The following LCP1 variants were observed in gnomAD, a reference collection of about 807,000 sequenced individuals.
LCP1 encodes plastin-2.
LCP1 carries 23 observed loss-of-function variants against 72.0 expected under a neutral mutation model. The ratio of observed to expected loss-of-function variants is 0.32; its 90% confidence interval spans 0.23 to 0.45. The LOEUF (loss-of-function observed/expected upper bound fraction) is 0.45, where lower values mean the gene tolerates loss of function less well. Among genes scored for constraint, LCP1 ranks in the 20% least tolerant of loss-of-function variants. LCP1 has a pLI of 1.00. For missense variants in LCP1, 571 were observed against 748.3 expected (o/e 0.76, Z 2.76); for synonymous variants, 245 against 275.4 (o/e 0.89, Z 1.09).
intron 1 of LCP1, among the ~76,000 whole-genome samples, chr13:46,180,334 T>C (rs981626996): frequency 2.0e-5 from 3 of 152,214 alleles, no homozygotes; most frequent in Non-Finnish European, 2.9e-5. Context: ...TCCTGTCCTC[T>C]CCAAGTTAAA....
Position 46,130,890 on chromosome 13 carries a change from T to C in LCP1, c.1675A>G (p.Ile559Val), listed in dbSNP as rs1486835637. ...TCATAGTTAATGGAACCTGGTTGGA[T>C]GGCATCGATGAGGTCCAGAACAGGC... is the stretch of plus-strand genomic sequence containing the variant. ...SLPVLDLIDA[I>V]QPGSINYDLL... The change falls in exon 15 of 16, where the codon ATC becomes GTC. Residue 559 changes from isoleucine (I) to valine (V), a missense_variant. Coordinates refer to ENST00000323076, the MANE Select transcript of LCP1 (RefSeq NM_002298.5). 3.7e-6 allele frequency: 6 copies of C among 1,612,796 alleles called. No homozygotes were observed. The highest frequency in any genetic ancestry group is 1.6e-4 in the Middle Eastern group (1 of 6,082).
intron 1 of LCP1, among the ~76,000 whole-genome samples, chr13:46,178,083 T>C (rs1276975123): frequency 6.6e-6 from 1 of 152,098 alleles, no homozygotes; most frequent in Non-Finnish European, 1.5e-5. Flanking sequence ...ATTGATCCAA[T>C]TGTAGAAAAT....
At chr13:46,130,519 G>A (rs1300094271) in intron 15 of LCP1, among the ~76,000 whole-genome samples, 1 of 151,840 alleles carries the variant, frequency 6.6e-6, no homozygotes, top group African/African-American at 2.4e-5. Context: ...GGAGCATTTG[G>A]TTAGGAAATT....
At chr13:46,168,910 A>G (rs1261331397) in intron 1 of LCP1, among the ~76,000 whole-genome samples, 1 of 152,164 alleles carries the variant, frequency 6.6e-6, no homozygotes, top group Non-Finnish European at 1.5e-5. Flanking sequence ...TTTAGGGCTT[A>G]TTCTCCAAAT....
At chr13:46,176,900 TGTGA>T (rs935453757) in intron 1 of LCP1, among the ~76,000 whole-genome samples, 6 of 139,662 alleles carry the variant, frequency 4.3e-5, no homozygotes, top group African/African-American at 1.5e-4. Flanking sequence ...TGTGTGTGTG[TGTGA>T]GAGAGCGAGA....
In LCP1 at chr13:46,130,885, T is replaced by C. The variant is rs758528520; in HGVS notation, c.1680A>G (p.Gln560=). 2 of 1,613,050 alleles carry C rather than the reference T, an allele frequency of 1.2e-6. No homozygotes were observed. Among genetic ancestry groups the C allele is most frequent in the South Asian group, 1.1e-5 (1 of 90,842 alleles). ...LPVLDLIDAI[Q]PGSINYDLLK... is the part of the protein sequence containing the mutation. ...GAAGGTCATAGTTAATGGAACCTGG[T>C]TGGATGGCATCGATGAGGTCCAGAA... Residue 560 remains glutamine, a synonymous_variant, in exon 15 of 16, where the codon CAA becomes CAG. Transcript: ENST00000323076.
At chr13:46,165,329 A>G (rs1304015099) in intron 1 of LCP1, among the ~76,000 whole-genome samples, 1 of 151,986 alleles carries the variant, frequency 6.6e-6, no homozygotes, top group African/African-American at 2.4e-5. Context: ...AACTGAGATC[A>G]TGCCACTGCA....
intron 1 of LCP1, among the ~76,000 whole-genome samples, chr13:46,161,594 ACCTT>A (rs1287965525): frequency 1.3e-5 from 2 of 151,128 alleles, no homozygotes; most frequent in South Asian, 2.1e-4. Flanking sequence ...CTTGTTTCCT[ACCTT>A]CCTTCCTTCC....
chr13:46,170,856 CTT>C (rs1039034082), intron 1 of LCP1, among the ~76,000 whole-genome samples: 4 of 152,088 alleles, frequency 2.6e-5, no homozygotes, highest in African/African-American at 7.2e-5. Flanking sequence ...TACAGCGAAA[CTT>C]TTTAGATCCA....
intron 1 of LCP1, among the ~76,000 whole-genome samples, chr13:46,165,148 G>A (rs778457529): frequency 2.0e-5 from 3 of 152,042 alleles, no homozygotes; most frequent in African/African-American, 7.2e-5. Flanking sequence ...CGAGGTGCAC[G>A]GATTGCTTTG....
Position 46,144,503 on chromosome 13 carries a change from G to T in LCP1, c.1192C>A (p.Arg398=). Residue 398 remains arginine (R), a synonymous_variant, in exon 11 of 16, where the codon CGG becomes AGG. Transcript: ENST00000323076. ...GALEGETREE[R]TFRNWMNSLG... ...GAGTTCATCCAGTTCCTAAATGTCC[G>T]CTCTTCTCTCGTCTCACCTAGATGA... is the stretch of plus-strand genomic sequence containing the variant. 1.2e-6 allele frequency: 2 copies of T among 1,613,290 alleles called. No homozygotes were observed. Among genetic ancestry groups the T allele is most frequent in the South Asian group, 1.1e-5 (1 of 91,064 alleles).
At chr13:46,171,477 AGT>A (rs1257949758) in intron 1 of LCP1, among the ~76,000 whole-genome samples, 1 of 152,242 alleles carries the variant, frequency 6.6e-6, no homozygotes, top group Non-Finnish European at 1.5e-5. Context: ...CTTTAAAGGA[AGT>A]ATTAAGAAGA....
chr13:46,139,379 C>T (rs2045684084), intron 13 of LCP1, among the ~76,000 whole-genome samples: 1 of 152,180 alleles, frequency 6.6e-6, no homozygotes, highest in African/African-American at 2.4e-5. Flanking sequence ...GATTATCCTA[C>T]CTTATCTGGA....
rs551478110 is a variant in LCP1, at chr13:46,158,545, A to G, written c.335T>C (p.Val112Ala). ...ACCTGAATAGGAGTGTTGGGTGCCA[A>G]CGCTAGACTGCTCTGAAGTACCACC... ...AIGGTSEQSS[V>A]GTQHSYSEEE... Residue 112 changes from valine (V) to alanine (A), a missense_variant, in exon 4 of 16, where the codon GTT becomes GCT. Coordinates refer to ENST00000323076, the MANE Select transcript of LCP1 (RefSeq NM_002298.5). 15 of 1,614,174 alleles carry G rather than the reference A, an allele frequency of 9.3e-6. No homozygotes were observed. The Admixed American group carries it at 1.8e-4, about 20-fold the overall frequency.
chr13:46,157,378 T>C (rs552093613), intron 4 of LCP1, among the ~76,000 whole-genome samples: 4 of 152,324 alleles, frequency 2.6e-5, no homozygotes, highest in Admixed American at 2.0e-4. Context: ...TTATTGTACC[T>C]CTGAGTTTCT....
Position 46,150,967 on chromosome 13 carries a change from T to G in LCP1, c.851A>C (p.Asn284Thr), listed in dbSNP as rs754493689. The stretch of plus-strand genomic sequence containing the variant: ...GTCAGTACTGAAGTTGCCAATTTTG[T>G]TGCAGCCTGCATTTTCCAGGTGGTA... ...ANYHLENAGC[N>T]KIGNFSTDIK... is the part of the protein sequence containing the mutation. Residue 284 changes from asparagine (N) to threonine (T), a missense_variant, in exon 8 of 16, where the codon AAC (asparagine) becomes ACC (threonine). Physicochemically the swap from Asn to Thr is moderately conservative, Grantham distance 65. Transcript: ENST00000323076. 2 of 1,613,886 alleles carry G rather than the reference T, an allele frequency of 1.2e-6. No homozygotes were observed. Among genetic ancestry groups the G allele is most frequent in the African/African-American group, 2.7e-5 (2 of 74,932 alleles).
At chr13:46,143,475 CT>C in intron 11 of LCP1, 71 bp from the exon 12 acceptor site, 1 of 960,526 alleles carries the variant, frequency 1.0e-6, no homozygotes, top group Non-Finnish European at 1.7e-6. Flanking sequence ...GGGCCAGACA[CT>C]TTCTTACATA....
At chr13:46,128,883 T>TCAC (rs2045617303) in intron 15 of LCP1, among the ~76,000 whole-genome samples, 4 of 50,238 alleles carry the variant, frequency 8.0e-5, no homozygotes, top group Non-Finnish European at 2.1e-4. Context: ...TAGTGACCTC[T>TCAC]TACTATGGTT....
intron 1 of LCP1, among the ~76,000 whole-genome samples, chr13:46,161,907 C>T (rs1337832574): frequency 6.6e-6 from 1 of 152,180 alleles, no homozygotes; most frequent in Non-Finnish European, 1.5e-5. Context: ...TTTCTTAGGG[C>T]AGCAGATCTG....
Sources: gnomAD v4.1 joint callset for allele counts (sites outside exome capture counted in the v4.1 genomes callset) on GRCh38, gnomAD v4.1.1 for gene constraint, MANE v1.5 for transcripts, NCBI Gene and HGNC (gene_info 2026-07-23, HGNC 2026-07-21) for gene names.